The following ANKRD28 variants were observed in gnomAD, a reference collection of about 807,000 sequenced individuals.
ANKRD28 encodes serine/threonine-protein phosphatase 6 regulatory ankyrin repeat subunit A.
A neutral mutation model predicts 126.5 loss-of-function variants in ANKRD28; 44 were observed. The observed-to-expected ratio is 0.35, with a 90% CI of 0.27 to 0.45. The LOEUF (loss-of-function observed/expected upper bound fraction) is 0.45. ANKRD28 is among the 20% of genes least tolerant of loss of function. The pLI is 1.00. For missense variants in ANKRD28, 1,110 were observed against 1,316.6 expected (o/e 0.84, Z 2.43); for synonymous variants, 442 against 468.5 (o/e 0.94, Z 0.73).
At chr3:15,856,084 T>C (rs569804567) in intron 1 of ANKRD28, among the ~76,000 whole-genome samples, 3 of 152,360 alleles carry the variant, frequency 2.0e-5, no homozygotes, top group Admixed American at 1.3e-4. Flanking sequence ...TAGTCCCTTT[T>C]TAAAACCAAA....
At position 15,675,277 on chromosome 3, in the gene ANKRD28, A is replaced by AAAC. The variant is rs550059526; in HGVS notation, c.2965+618_2965+620dup. Among the ~76,000 whole-genome samples the AAAC allele has an allele frequency of 5.2e-3, 792 of 152,206 alleles. 4 individuals carry two copies. The highest frequency in any genetic ancestry group is 9.0e-3 in the Non-Finnish European group (610 of 67,978). On this transcript the variant is annotated intron_variant, in intron 27 of 27. Transcript: ENST00000683139. The stretch of plus-strand genomic sequence containing the variant: ...CAGAGCTAGACTCCGTCTCAAAAAC[A>AAAC]AACAACAACAACAACAACAAAAGAA...
chr3:15,702,111 C>G (rs2070716642), intron 14 of ANKRD28, among the ~76,000 whole-genome samples: 1 of 152,146 alleles, frequency 6.6e-6, no homozygotes, highest in African/African-American at 2.4e-5. Context: ...TAAGCATTAT[C>G]TCTAACAAAT....
intron 25 of ANKRD28, 51 bp downstream of exon 25, chr3:15,677,428 AG>A: frequency 7.2e-7 from 1 of 1,382,766 alleles, no homozygotes; most frequent in Non-Finnish European, 1.0e-6. Context: ...AAAACTTTTA[AG>A]GTCACTGTTA....
intron 4 of ANKRD28, among the ~76,000 whole-genome samples, chr3:15,739,873 C>T (rs1424789320): frequency 6.6e-6 from 1 of 152,140 alleles, no homozygotes; most frequent in African/African-American, 2.4e-5. Context: ...GGAAGTCAGC[C>T]AGCTAATCAA....
At chr3:15,858,091 T>C (rs558272056) in intron 1 of ANKRD28, among the ~76,000 whole-genome samples, 3 of 152,378 alleles carry the variant, frequency 2.0e-5, no homozygotes, top group East Asian at 1.9e-4. Context: ...AAATGTTCTA[T>C]GTCTGTCCTA....
chr3:15,771,732 A>G (rs2059021129), intron 2 of ANKRD28, among the ~76,000 whole-genome samples: 1 of 152,214 alleles, frequency 6.6e-6, no homozygotes, highest in Non-Finnish European at 1.5e-5. Context: ...GGGGACAAAC[A>G]TCCAAACGAT....
intron 3 of ANKRD28, among the ~76,000 whole-genome samples, chr3:15,754,392 T>C (rs1324461514): frequency 6.6e-6 from 1 of 152,138 alleles, no homozygotes; most frequent in Non-Finnish European, 1.5e-5. Context: ...CGTTACTTAA[T>C]AATGGCCCCA....
intron 2 of ANKRD28, among the ~76,000 whole-genome samples, chr3:15,789,817 A>G (rs2125769643): frequency 6.6e-6 from 1 of 152,160 alleles, no homozygotes; most frequent in South Asian, 2.1e-4. Flanking sequence ...TTTGTTAAAA[A>G]TCTATTAGGG....
At chr3:15,722,591 A>G (rs377029093) in intron 7 of ANKRD28, among the ~76,000 whole-genome samples, 172 of 152,306 alleles carry the variant, frequency 1.1e-3, no homozygotes, top group African/African-American at 4.1e-3. Context: ...CTCTAAACTT[A>G]TAGTTGGTCA....
chr3:15,673,646 T>C (rs942021978), intron 27 of ANKRD28, among the ~76,000 whole-genome samples: 2 of 152,080 alleles, frequency 1.3e-5, no homozygotes, highest in African/African-American at 2.4e-5. Flanking sequence ...TAAAGAATAG[T>C]TAGAATATGC....
intron 4 of ANKRD28, among the ~76,000 whole-genome samples, chr3:15,740,341 A>G (rs2075362977): frequency 6.6e-6 from 1 of 152,320 alleles, no homozygotes; most frequent in East Asian, 1.9e-4. Context: ...AAGGGTGTAC[A>G]CTAAAAAATT....
At position 15,677,869 on chromosome 3, in the gene ANKRD28, C is replaced by T. The variant is rs116832349; in HGVS notation, c.2708-307G>A. Among the ~76,000 whole-genome samples the T allele has an allele frequency of 5.1e-3, 773 of 152,226 alleles. 3 individuals are homozygous for T. Among genetic ancestry groups the T allele is most frequent in the South Asian group, 0.011 (52 of 4,826 alleles). On this transcript the variant is annotated intron_variant, in intron 24 of 27. Coordinates refer to ENST00000683139, the MANE Select transcript of ANKRD28 (RefSeq NM_001349278.2). ...AATTTATTTAACCCTCACAACAACACACCAAGTAGATACTGTTATTTTTCT... is the reference window on the plus strand; with the variant it reads ...AATTTATTTAACCCTCACAACAACATACCAAGTAGATACTGTTATTTTTCT...
intron 1 of ANKRD28, 50 bp downstream of exon 1, chr3:15,796,355 T>A (rs961117245): frequency 9.5e-7 from 1 of 1,056,780 alleles, no homozygotes; most frequent in African/African-American, 1.7e-5. Context: ...ACAAGATTTA[T>A]ACTACTAGTT....
intron 18 of ANKRD28, chr3:15,686,545 T>C (rs969630351): frequency 1.3e-5 from 7 of 523,016 alleles, no homozygotes; most frequent in Non-Finnish European, 2.4e-5. Flanking sequence ...CCAGCACCCA[T>C]GCCCTATCAT....
At chr3:15,677,133 C>G in intron 25 of ANKRD28, 77 bp from the exon 26 acceptor site, 2 of 1,170,650 alleles carry the variant, frequency 1.7e-6, no homozygotes, top group Non-Finnish European at 1.3e-6. Flanking sequence ...ATCTGCAATC[C>G]TAGTCCATAT....
intron 1 of ANKRD28, among the ~76,000 whole-genome samples, chr3:15,832,840 A>G (rs1351301473): frequency 6.6e-6 from 1 of 152,222 alleles, no homozygotes; most frequent in Non-Finnish European, 1.5e-5. Context: ...GTTGATGGAT[A>G]TTTAGGCTGA....
At chr3:15,679,164 C>T (rs2067265452) in intron 23 of ANKRD28, 137 bp downstream of exon 23, 2 of 727,592 alleles carry the variant, frequency 2.7e-6, no homozygotes, top group Admixed American at 2.3e-5. Context: ...AGATGCAGGT[C>T]TTGCTATGTT....
At chr3:15,801,061 A>C (rs1017556581), upstream of ANKRD28, among the ~76,000 whole-genome samples, 3 of 152,114 alleles carry the variant, frequency 2.0e-5, no homozygotes, top group African/African-American at 7.2e-5. The surrounding 1 kb of genome is among the most constrained non-coding windows in gnomAD (Gnocchi z 4.9). Flanking sequence ...CACTTAGAGA[A>C]ATATCAAGGG....
rs2059448934 is a variant in ANKRD28 at position 15,779,603 on chromosome 3, T to C, written c.202-13291A>G. On this transcript the variant is annotated intron_variant, in intron 2 of 27. Coordinates refer to ENST00000683139, the MANE Select transcript of ANKRD28 (RefSeq NM_001349278.2). ...AAATGGAAGCAACCAAATCAAATAA[T>C]TCCAAGGGCCTTAGTTTTGCCTCAT... is the stretch of plus-strand genomic sequence containing the variant. Among the ~76,000 whole-genome samples the C allele has an allele frequency of 3.9e-5, 6 of 152,188 alleles. No homozygotes were observed. The South Asian group carries it at 1.2e-3, about 32-fold the overall frequency.
Sources: gnomAD v4.1 joint callset for allele counts (sites outside exome capture counted in the v4.1 genomes callset) on GRCh38, gnomAD v4.1.1 for gene constraint, Gnocchi (gnomAD v3.1) non-coding constraint, MANE v1.5 for transcripts, NCBI Gene and HGNC (gene_info 2026-07-23, HGNC 2026-07-21) for gene names.